The following SEMA3E variants were observed in gnomAD, a reference collection of about 807,000 sequenced individuals.
The protein encoded by SEMA3E is semaphorin-3E.
In SEMA3E, 49 loss-of-function variants were observed where a neutral mutation model predicts 93.6. That is an observed-to-expected ratio of 0.52 (90% CI 0.42 to 0.66). The LOEUF (loss-of-function observed/expected upper bound fraction) is 0.66, where lower values mean the gene tolerates loss of function less well. SEMA3E is among the 30% of genes least tolerant of loss of function. The pLI is 0.00. For synonymous variants in SEMA3E, 363 were observed against 330.7 expected (o/e 1.10, Z -1.06); for missense variants, 906 against 964.8 (o/e 0.94, Z 0.81).
At chr7:83,416,974 ACT>A (rs988530871) in intron 5 of SEMA3E, among the ~76,000 whole-genome samples, 4 of 131,436 alleles carry the variant, frequency 3.0e-5, no homozygotes, top group Admixed American at 8.7e-5. Flanking sequence ...TTTTTTTAAT[ACT>A]CTGTTTATAC....
chr7:83,620,048 C>T (rs1326567638), intron 1 of SEMA3E, among the ~76,000 whole-genome samples: 1 of 151,810 alleles, frequency 6.6e-6, no homozygotes, highest in Non-Finnish European at 1.5e-5. Flanking sequence ...AATAAATGAT[C>T]TATTCTTTAT....
chr7:83,456,707 G>A (rs1348518785), intron 4 of SEMA3E, among the ~76,000 whole-genome samples: 1 of 151,796 alleles, frequency 6.6e-6, no homozygotes, highest in East Asian at 1.9e-4. Context: ...TCCACCTCCT[G>A]GGGTCAAGCG....
At chr7:83,522,226 CT>C (rs1266023665) in intron 1 of SEMA3E, among the ~76,000 whole-genome samples, 1 of 151,934 alleles carries the variant, frequency 6.6e-6, no homozygotes, top group Non-Finnish European at 1.5e-5. Flanking sequence ...TCCTTTGTTT[CT>C]TTCTATATGT....
chr7:83,492,865 T>C (rs568842920), intron 1 of SEMA3E, among the ~76,000 whole-genome samples: 30 of 152,038 alleles, frequency 2.0e-4, no homozygotes, highest in Non-Finnish European at 3.8e-4. Context: ...TCATACACTA[T>C]TACAATGAAA....
chr7:83,473,391 G>A (rs1305169442), intron 2 of SEMA3E, among the ~76,000 whole-genome samples: 1 of 152,132 alleles, frequency 6.6e-6, no homozygotes, highest in Admixed American at 6.6e-5. Flanking sequence ...ACAGCAGTTT[G>A]TTTGTTCCCT....
At chr7:83,382,769 T>C (rs776403350) in intron 16 of SEMA3E, among the ~76,000 whole-genome samples, 1 of 151,716 alleles carries the variant, frequency 6.6e-6, no homozygotes, top group Non-Finnish European at 1.5e-5. Context: ...AAATAAAATA[T>C]ATAGAGATTA....
intron 1 of SEMA3E, among the ~76,000 whole-genome samples, chr7:83,584,746 G>T (rs1029308376): frequency 6.6e-6 from 1 of 152,076 alleles, no homozygotes; most frequent in East Asian, 1.9e-4. Context: ...GTAATCTTTA[G>T]ATATATGAGT....
intron 2 of SEMA3E, 43 bp downstream of exon 2, chr7:83,490,071 C>A (rs1790347567): frequency 2.5e-6 from 4 of 1,588,092 alleles, no homozygotes; most frequent in Non-Finnish European, 3.5e-6. Flanking sequence ...GAAATTTCCC[C>A]CCTTTTCTAT....
intron 1 of SEMA3E, among the ~76,000 whole-genome samples, chr7:83,632,699 A>G (rs553168847): frequency 3.5e-4 from 54 of 152,310 alleles, no homozygotes; most frequent in African/African-American, 1.3e-3. Flanking sequence ...CTAATATACT[A>G]TCTTTATGTA....
intron 1 of SEMA3E, among the ~76,000 whole-genome samples, chr7:83,600,408 C>T (rs980126444): frequency 1.3e-5 from 2 of 151,344 alleles, no homozygotes; most frequent in Non-Finnish European, 2.9e-5. Flanking sequence ...CAAGCTCCGC[C>T]TCCAGGGTTC....
At chr7:83,387,206 A>T (rs1158308925) in intron 14 of SEMA3E, among the ~76,000 whole-genome samples, 156 bp from the exon 15 acceptor site, 1 of 152,188 alleles carries the variant, frequency 6.6e-6, no homozygotes, top group Non-Finnish European at 1.5e-5. Flanking sequence ...ATAGTTTTTC[A>T]TATTTCCATT....
At chr7:83,596,741 C>T (rs1562848341) in intron 1 of SEMA3E, among the ~76,000 whole-genome samples, 1 of 152,064 alleles carries the variant, frequency 6.6e-6, no homozygotes, top group Non-Finnish European at 1.5e-5. Flanking sequence ...GCCCCAATCT[C>T]TTTTCTTGCT....
intron 2 of SEMA3E, among the ~76,000 whole-genome samples, chr7:83,474,990 ATATT>A (rs1270560652): frequency 2.0e-5 from 3 of 150,834 alleles, no homozygotes; most frequent in East Asian, 1.9e-4. Context: ...ATATGTATAC[ATATT>A]TATTATATAT....
intron 1 of SEMA3E, among the ~76,000 whole-genome samples, chr7:83,640,915 CAGAT>C (rs1050656348): frequency 1.3e-5 from 2 of 149,718 alleles, no homozygotes; most frequent in Non-Finnish European, 3.0e-5. Flanking sequence ...TAACACAAGA[CAGAT>C]AGAAGGAGGA....
At chr7:83,527,832 T>C (rs961498190) in intron 1 of SEMA3E, among the ~76,000 whole-genome samples, 1 of 152,090 alleles carries the variant, frequency 6.6e-6, no homozygotes, top group African/African-American at 2.4e-5. Context: ...CTTATATCAT[T>C]TGTGGCAATT....
chr7:83,616,387 A>G (rs1217989142), intron 1 of SEMA3E, among the ~76,000 whole-genome samples: 1 of 152,326 alleles, frequency 6.6e-6, no homozygotes, highest in Admixed American at 6.5e-5. Flanking sequence ...AATGCCAAAC[A>G]TCTTAGAGAT....
At chr7:83,465,007 A>G (rs1476960723) in intron 4 of SEMA3E, among the ~76,000 whole-genome samples, 1 of 57,700 alleles carries the variant, frequency 1.7e-5, no homozygotes, top group African/African-American at 5.3e-5. Flanking sequence ...GATGGCCTGA[A>G]GTAACTGAAG....
At chr7:83,554,801 C>A (rs148992976) in intron 1 of SEMA3E, among the ~76,000 whole-genome samples, 1 of 151,964 alleles carries the variant, frequency 6.6e-6, no homozygotes, top group East Asian at 1.9e-4. Context: ...ACGGTGAAAC[C>A]CCGTCTCTAC....
intron 4 of SEMA3E, among the ~76,000 whole-genome samples, chr7:83,438,097 A>G (rs976738552): frequency 6.6e-6 from 1 of 152,120 alleles, no homozygotes; most frequent in African/African-American, 2.4e-5. Context: ...TAATTCTTTG[A>G]AAAAATAGCA....
Sources: allele counts gnomAD v4.1 joint callset (sites outside exome capture counted in the v4.1 genomes callset), GRCh38; gene constraint gnomAD v4.1.1; transcripts MANE v1.5; gene names NCBI Gene and HGNC (gene_info 2026-07-23, HGNC 2026-07-21).